Variants in KIAA1671 observed in about 807,000 individuals in gnomAD.
The protein encoded by KIAA1671 is KIAA1671.
KIAA1671 carries 52 observed loss-of-function variants against 131.2 expected under a neutral mutation model. That is an observed-to-expected ratio of 0.40 (90% confidence interval 0.32 to 0.50). The LOEUF (loss-of-function observed/expected upper bound fraction) is 0.50, where lower values mean the gene tolerates loss of function less well. KIAA1671 is among the 20% of genes least tolerant of loss of function. The pLI, the probability that KIAA1671 is intolerant of heterozygous loss-of-function variation, is 0.73. For synonymous variants in KIAA1671, 1,003 were observed against 961.6 expected, an observed-to-expected ratio of 1.04 and a Z score of -0.80; for missense variants, 2,360 against 2,364.2, an observed-to-expected ratio of 1.00 and a Z score of 0.04.
Position 25,093,822 on chromosome 22 carries a change from C to G in KIAA1671, c.4530+44458C>G, listed in dbSNP as rs796098025. On this transcript the variant is annotated intron_variant, in intron 6 of 12. Transcript: ENST00000358431. ...TCTCTCTCTCTCTCTGTCTCTCTCT[C>G]TTTCTCTCTCTGTCTGTCTCTCTCT... 6.8e-4 allele frequency among the ~76,000 whole-genome samples: 52 copies of G among 76,856 alleles called. 1 individual carries two copies. Among genetic ancestry groups the G allele is most frequent in the East Asian group, 1.9e-3 (6 of 3,150 alleles). The allele number at this position is 76,856 out of a possible 152,430, so 50.4% of individuals were successfully genotyped here. A position where few individuals can be genotyped will look rare whatever the true frequency, so the allele number is the denominator to read the frequency against.
intron 6 of KIAA1671, among the ~76,000 whole-genome samples, chr22:25,158,305 A>G (rs1933313221): frequency 6.6e-6 from 1 of 152,320 alleles, no homozygotes; most frequent in Admixed American, 6.5e-5. Context: ...CCATCCATCC[A>G]TCTTCACTTG....
chr22:25,170,333 A>G (rs894913282), intron 6 of KIAA1671, among the ~76,000 whole-genome samples: 6 of 152,252 alleles, frequency 3.9e-5, no homozygotes, highest in African/African-American at 1.4e-4. Flanking sequence ...TCAAGAGCTC[A>G]GCCCAATGCC....
At chr22:25,144,783 G>A (rs1165435951) in intron 6 of KIAA1671, among the ~76,000 whole-genome samples, 1 of 152,138 alleles carries the variant, frequency 6.6e-6, no homozygotes, top group Non-Finnish European at 1.5e-5. Context: ...TAGGATTCAA[G>A]CCTGTCTACA....
chr22:25,179,575 G>A (rs539483708), intron 9 of KIAA1671: 8 of 1,452,594 alleles, frequency 5.5e-6, no homozygotes, highest in East Asian at 2.4e-5. Flanking sequence ...GAACGGAGCC[G>A]CTTCCCCTGC....
intron 6 of KIAA1671, among the ~76,000 whole-genome samples, chr22:25,074,072 G>A (rs1458876207): frequency 6.6e-6 from 1 of 152,054 alleles, no homozygotes; most frequent in Non-Finnish European, 1.5e-5. Context: ...TTGTCTTTCT[G>A]TGCCCGGCTT....
At chr22:24,963,007 T>C (rs547141671) in intron 1 of KIAA1671, among the ~76,000 whole-genome samples, 37 of 152,170 alleles carry the variant, frequency 2.4e-4, no homozygotes, top group Admixed American at 1.9e-3. Context: ...TCAGCAGGCT[T>C]CTGGGAGCCC....
chr22:25,091,485 A>G (rs373120477), intron 6 of KIAA1671, among the ~76,000 whole-genome samples: 2 of 152,368 alleles, frequency 1.3e-5, no homozygotes, highest in Non-Finnish European at 1.5e-5. Context: ...CTTTCTTCGT[A>G]AACCAGTTTA....
intron 6 of KIAA1671, among the ~76,000 whole-genome samples, chr22:25,093,808 CTCTGTCTCTCTCTCTTTCTCTCTCTG>C (rs1930228760): frequency 4.6e-5 from 6 of 130,854 alleles, no homozygotes; most frequent in Admixed American, 2.3e-4. Flanking sequence ...CTCTCTCTCT[CTCTGTCTCTCTCTCTTTCTCTCTCTG>C]TCTGTCTCTC....
intron 1 of KIAA1671, among the ~76,000 whole-genome samples, chr22:24,988,419 GAAAA>G (rs1469653878): frequency 2.6e-5 from 4 of 152,084 alleles, no homozygotes; most frequent in African/African-American, 9.7e-5. Context: ...CCTTTGGGTA[GAAAA>G]TCACTATTTA....
intron 1 of KIAA1671, among the ~76,000 whole-genome samples, chr22:24,970,647 G>C (rs1034952982): frequency 6.6e-6 from 1 of 150,778 alleles, no homozygotes; most frequent in Non-Finnish European, 1.5e-5. Context: ...CCAATCTTTC[G>C]GCTTCCCTGG....
At chr22:24,985,138 TATCTCTATTCAGATAAAAC>T (rs1923453391) in intron 1 of KIAA1671, among the ~76,000 whole-genome samples, 1 of 152,086 alleles carries the variant, frequency 6.6e-6, no homozygotes, top group African/African-American at 2.4e-5. Context: ...AGTAAAAATA[TATCTCTATTCAGATAAAAC>T]ATCTCTATTC....
chr22:25,132,510 G>A (rs545378881), intron 6 of KIAA1671, among the ~76,000 whole-genome samples: 9 of 152,124 alleles, frequency 5.9e-5, no homozygotes, highest in African/African-American at 1.4e-4. Context: ...TCGGAGCCTC[G>A]GTTTCTTTAT....
At chr22:25,173,254 G>A (rs547467221) in intron 7 of KIAA1671, among the ~76,000 whole-genome samples, 1 of 151,668 alleles carries the variant, frequency 6.6e-6, no homozygotes, top group South Asian at 2.1e-4. Context: ...CCTCCAATTC[G>A]ACATGAGATT....
chr22:25,041,535 G>C lies in KIAA1671; in HGVS notation c.4395+10G>C. On this transcript the variant is annotated intron_variant, in intron 5 of 12. Coordinates refer to ENST00000358431, the MANE Select transcript of KIAA1671 (RefSeq NM_001145206.2). ...TGGAGACAGTCACAAGGTAAGTACC[G>C]AGACACTTTTTAATTTTGTCAAACA... 1.3e-6 allele frequency: 2 copies of C among 1,508,318 alleles called. No individual in the cohort carries two copies. The highest frequency in any genetic ancestry group is 1.4e-5 in the African/African-American group (1 of 71,100). The allele number at this position is 1,508,318 out of a possible 1,614,324, so 93.4% of individuals were successfully genotyped here.
chr22:25,120,176 A>ACTGCCAC (rs1263945469), intron 6 of KIAA1671, among the ~76,000 whole-genome samples: 4 of 152,100 alleles, frequency 2.6e-5, no homozygotes, highest in African/African-American at 7.2e-5. Flanking sequence ...CCAACTGCCA[A>ACTGCCAC]CTGCCACCTG....
chr22:24,955,869 C>CA (rs1224213737), intron 1 of KIAA1671, among the ~76,000 whole-genome samples: 1 of 151,712 alleles, frequency 6.6e-6, no homozygotes, highest in Non-Finnish European at 1.5e-5. Context: ...ACTAAAAATA[C>CA]AAAAAAATTA....
intron 6 of KIAA1671, among the ~76,000 whole-genome samples, chr22:25,100,901 A>G (rs1465003192): frequency 1.3e-5 from 2 of 152,110 alleles, no homozygotes; most frequent in East Asian, 1.9e-4. Flanking sequence ...CATTTTTTCA[A>G]TCTTTTATGA....
intron 3 of KIAA1671, among the ~76,000 whole-genome samples, chr22:25,031,651 A>G (rs1926300326): frequency 6.6e-6 from 1 of 152,196 alleles, no homozygotes; most frequent in Non-Finnish European, 1.5e-5. Flanking sequence ...AGTTTTTAAA[A>G]GCTTCCAAGT....
intron 6 of KIAA1671, chr22:25,056,469 T>TGCCTCAGTTTCCCCATCTCTGA (rs1927844992): frequency 6.7e-6 from 1 of 149,140 alleles, no homozygotes; most frequent in African/African-American, 2.4e-5. Context: ...GACATCTCCG[T>TGCCTCAGTTTCCCCATCTCTGA]GCCTCAGTTT....
Sources: gnomAD v4.1 joint callset for allele counts (sites outside exome capture counted in the v4.1 genomes callset) on GRCh38, gnomAD v4.1.1 for gene constraint, MANE v1.5 for transcripts, NCBI Gene and HGNC (gene_info 2026-07-23, HGNC 2026-07-21) for gene names.